WFDC8: variants seen among roughly 807,000 people sequenced by gnomAD.
WFDC8 encodes the protein WAP four-disulfide core domain 8, also known as WAP four-disulfide core domain protein 8.
In WFDC8, 24 loss-of-function variants were observed where a neutral mutation model predicts 27.0. The ratio of observed to expected loss-of-function variants is 0.89; its 90% CI spans 0.64 to 1.25. The LOEUF (loss-of-function observed/expected upper bound fraction) is 1.25, where lower values mean the gene tolerates loss of function less well. WFDC8 is among the 50% of genes most tolerant of loss of function. The probability of loss-of-function intolerance (pLI) is 0.00; values close to 1 mark genes in which losing one functional copy is unlikely to be tolerated. For missense variants in WFDC8, 287 were observed against 295.9 expected, an observed-to-expected ratio of 0.97 and a Z score of 0.22; for synonymous variants, 106 against 99.7, an observed-to-expected ratio of 1.06 and a Z score of -0.38.
intron 1 of WFDC8, among the ~76,000 whole-genome samples, chr20:45,563,004 T>C (rs1018765325): frequency 1.3e-5 from 2 of 152,182 alleles, no homozygotes; most frequent in Non-Finnish European, 2.9e-5. Context: ...TACATCTGTA[T>C]TGGTGGAACT....
chr20:45,570,657 T>A (rs961932641), intron 1 of WFDC8, among the ~76,000 whole-genome samples: 2 of 152,204 alleles, frequency 1.3e-5, no homozygotes, highest in African/African-American at 4.8e-5. Context: ...AAGTATTCAT[T>A]TCTCTTAAAT....
At chr20:45,556,216 G>A (rs1029236357) in intron 3 of WFDC8, among the ~76,000 whole-genome samples, 2 of 152,162 alleles carry the variant, frequency 1.3e-5, no homozygotes, top group African/African-American at 4.8e-5. Context: ...TTTTTGCATT[G>A]TTAAAATTTG....
intron 1 of WFDC8, among the ~76,000 whole-genome samples, chr20:45,565,274 T>C (rs1980638599): frequency 6.6e-6 from 1 of 152,192 alleles, no homozygotes; most frequent in Admixed American, 6.5e-5. Context: ...AAATTTTACC[T>C]CCGTCTACCC....
intron 1 of WFDC8, among the ~76,000 whole-genome samples, chr20:45,566,937 TAA>T: frequency 6.6e-6 from 1 of 152,376 alleles, no homozygotes; most frequent in Middle Eastern, 3.4e-3. Flanking sequence ...CCAAATACTT[TAA>T]AGTCACCTCT....
chr20:45,563,518 C>T (rs1257790808), intron 1 of WFDC8, among the ~76,000 whole-genome samples: 1 of 152,182 alleles, frequency 6.6e-6, no homozygotes, highest in Non-Finnish European at 1.5e-5. Context: ...ACAATAATAA[C>T]ACCTACCTCA....
At chr20:45,568,343 A>T (rs6094170) in intron 1 of WFDC8, 85,205 of 237,502 alleles carry the variant, frequency 0.36, 16,570 homozygotes, top group Non-Finnish European at 0.4. Flanking sequence ...GTCTCAGAGA[A>T]GTCACTGTTA....
intron 1 of WFDC8, among the ~76,000 whole-genome samples, chr20:45,575,093 T>C (rs1178899665): frequency 6.6e-6 from 1 of 152,206 alleles, no homozygotes; most frequent in African/African-American, 2.4e-5. Context: ...GTTGAGTTTT[T>C]TCTCTGAGAT....
chr20:45,574,977 T>C (rs1165531788), intron 1 of WFDC8, among the ~76,000 whole-genome samples: 1 of 152,118 alleles, frequency 6.6e-6, no homozygotes, highest in African/African-American at 2.4e-5. Flanking sequence ...AAATTCAACA[T>C]TTTTATGATA....
chr20:45,561,093 C>T (rs1231554235), intron 2 of WFDC8, among the ~76,000 whole-genome samples: 3 of 152,164 alleles, frequency 2.0e-5, no homozygotes, highest in Non-Finnish European at 4.4e-5. Context: ...TGAACTCTCA[C>T]TTATTAATAA....
intron 3 of WFDC8, among the ~76,000 whole-genome samples, chr20:45,556,631 G>T (rs996490976): frequency 6.6e-6 from 1 of 152,170 alleles, no homozygotes; most frequent in Admixed American, 6.5e-5. Context: ...ATAAGAAGTT[G>T]CCGAAGAGCT....
chr20:45,553,923 G>A (rs1394590717), intron 4 of WFDC8, among the ~76,000 whole-genome samples: 2 of 152,176 alleles, frequency 1.3e-5, no homozygotes, highest in Non-Finnish European at 2.9e-5. Flanking sequence ...TTTCAACCAA[G>A]ATGAGAAGCA....
chr20:45,558,562 T>C (rs6032318), intron 3 of WFDC8, among the ~76,000 whole-genome samples: 58,792 of 152,078 alleles, frequency 0.39, 11,850 homozygotes, highest in Non-Finnish European at 0.43. Context: ...ACTGAGGTTT[T>C]ATTTTGTCAC....
Position 45,552,156 on chromosome 20 carries a change from C to T in WFDC8, c.596G>A (p.Gly199Asp), listed in dbSNP as rs767000054. ...VCARAWTVKK[G>D]FCPRKPLLCT... ...TAGCAAGGGCTTGCGTGGGCAGAAA[C>T]CTTTTTTGACTTTATGGGGTAAAAG... The change falls in exon 6 of 6, where the codon GGT becomes GAT. Residue 199 changes from glycine (G) to aspartate (D), a missense_variant. Physicochemically the swap from Gly to Asp is moderately conservative, Grantham distance 94. Coordinates refer to ENST00000289953, the MANE Select transcript of WFDC8 (RefSeq NM_130896.3). 6 of 1,613,558 alleles carry T rather than the reference C, an allele frequency of 3.7e-6. No individual in the cohort carries two copies. The highest frequency in any genetic ancestry group is 2.2e-5 in the South Asian group (2 of 90,828).
chr20:45,561,577 C>G (rs1980469201), intron 2 of WFDC8, among the ~76,000 whole-genome samples: 1 of 152,128 alleles, frequency 6.6e-6, no homozygotes, highest in African/African-American at 2.4e-5. Context: ...TCCTAAACCT[C>G]TCTCCAAACC....
chr20:45,568,626 A>G lies in WFDC8; in HGVS notation c.27-6407T>C, dbSNP rs1275431599. On this transcript the variant is annotated intron_variant, in intron 1 of 5. Transcript: ENST00000289953. ...TATATTCCTGAATTCAGTGCGGACA[A>G]TATCTAGCCTTCCAGAAAGTGTACT... The G allele has an allele frequency of 5.6e-6, 3 of 534,014 alleles. No homozygotes were observed. In the African/African-American group the frequency reaches 5.7e-5, roughly 10 times the overall value. The allele number at this position is 534,014 out of a possible 1,614,324, so 33.1% of individuals were successfully genotyped here.
At chr20:45,578,579 C>T (rs1209076539) in intron 1 of WFDC8, among the ~76,000 whole-genome samples, 1 of 151,610 alleles carries the variant, frequency 6.6e-6, no homozygotes, top group Non-Finnish European at 1.5e-5. Context: ...GCTCATACTC[C>T]AATAGGCAAA....
Position 45,553,279 on chromosome 20 carries a change from A to G in WFDC8, c.446-3T>C. Reference sequence around the variant, plus strand: ...GAGTGGGCATTGTCCATCCTTAACTAAAATAAGAGCAGATGTGAGCTTCTT... The same window carrying G: ...GAGTGGGCATTGTCCATCCTTAACTGAAATAAGAGCAGATGTGAGCTTCTT... On this transcript the variant is annotated splice_region_variant and splice_polypyrimidine_tract_variant and intron_variant, in intron 4 of 5. Transcript: ENST00000289953. The G allele has an allele frequency of 6.2e-7, 1 of 1,612,284 alleles. No homozygotes were observed. Among genetic ancestry groups the G allele is most frequent in the Non-Finnish European group, 8.5e-7 (1 of 1,179,046 alleles).
chr20:45,575,520 A>C (rs1421254413), intron 1 of WFDC8, among the ~76,000 whole-genome samples: 2 of 141,782 alleles, frequency 1.4e-5, no homozygotes, highest in African/African-American at 5.1e-5. Context: ...AGAAGACATA[A>C]ATAAATGAAA....
chr20:45,574,569 C>A (rs1380108726), intron 1 of WFDC8, among the ~76,000 whole-genome samples: 1 of 152,068 alleles, frequency 6.6e-6, no homozygotes, highest in Non-Finnish European at 1.5e-5. Context: ...CCAAGGAGGG[C>A]AGATCACTTA....
Sources: allele counts gnomAD v4.1 joint callset (sites outside exome capture counted in the v4.1 genomes callset), GRCh38; gene constraint gnomAD v4.1.1; transcripts MANE v1.5; gene names NCBI Gene and HGNC (gene_info 2026-07-23, HGNC 2026-07-21).